RPA3: variants seen among roughly 807,000 people sequenced by gnomAD.
RPA3 encodes replication protein A3, also known as replication protein A 14 kDa subunit.
RPA3 carries 24 observed loss-of-function variants against 13.7 expected under a neutral mutation model. The ratio of observed to expected loss-of-function variants is 1.75; its 90% CI spans 1.27 to 2.46. The LOEUF is 2.46. RPA3 is among the 30% of genes most tolerant of loss of function. The probability of loss-of-function intolerance (pLI) is 0.00; values close to 1 mark genes in which losing one functional copy is unlikely to be tolerated. For synonymous variants in RPA3, 59 were observed against 51.2 expected, an observed-to-expected ratio of 1.15 and a Z score of -0.65; for missense variants, 183 against 151.0, an observed-to-expected ratio of 1.21 and a Z score of -1.11.
In RPA3 at chr7:7,636,803, G is replaced by A. The variant is rs774085980; in HGVS notation, c.*197C>T. 3.8e-6 allele frequency: 2 copies of A among 532,404 alleles called. No homozygotes were observed. The highest frequency in any genetic ancestry group is 6.6e-6 in the Non-Finnish European group (2 of 304,268). The allele number at this position is 532,404 out of a possible 1,614,324, so 33.0% of individuals were successfully genotyped here. Reference sequence around the variant, plus strand: ...CTTGCATCTAATCTGACCATATATTGGAGTAGCAATTCTTTATAAAAGGAC... The same window carrying A: ...CTTGCATCTAATCTGACCATATATTAGAGTAGCAATTCTTTATAAAAGGAC... On this transcript the variant is annotated 3_prime_UTR_variant, in exon 8 of 8. Transcript: ENST00000223129.
intron 4 of RPA3, among the ~76,000 whole-genome samples, chr7:7,663,027 T>C (rs1027436021): frequency 2.0e-5 from 3 of 152,084 alleles, no homozygotes; most frequent in Non-Finnish European, 4.4e-5. Flanking sequence ...TTTTTGCCTG[T>C]AGCCCAAACT....
rs554295551 is a variant in RPA3, at chr7:7,690,812, TG to T, written c.-1027-3485del. 9.8e-5 allele frequency among the ~76,000 whole-genome samples: 15 copies of T among 152,328 alleles called. No individual in the cohort carries two copies. In the East Asian group the frequency reaches 2.9e-3, roughly 29 times the overall value. Reference sequence around the variant, plus strand: ...TTCACATATAAATGCTTTTCTAGCCTGTAGGCATCTTTTCATTGCTAAAGTT... The same window carrying T: ...TTCACATATAAATGCTTTTCTAGCCTTAGGCATCTTTTCATTGCTAAAGTT... On this transcript the variant is annotated intron_variant, in intron 2 of 7. Transcript: ENST00000223129.
intron 7 of RPA3, 111 bp downstream of exon 7, chr7:7,637,753 T>C: frequency 3.9e-6 from 2 of 514,804 alleles, no homozygotes; most frequent in Non-Finnish European, 7.0e-6. Context: ...GTATGTTATG[T>C]AATTACATAC....
At chr7:7,661,691 A>C (rs1251890947) in intron 4 of RPA3, among the ~76,000 whole-genome samples, 1 of 152,158 alleles carries the variant, frequency 6.6e-6, no homozygotes, top group African/African-American at 2.4e-5. Flanking sequence ...TTTGTCCCAG[A>C]GGGGCACCCA....
chr7:7,655,402 A>G (rs1188780537), intron 4 of RPA3, among the ~76,000 whole-genome samples: 1 of 152,236 alleles, frequency 6.6e-6, no homozygotes, highest in Non-Finnish European at 1.5e-5. Context: ...ATCAAGAAAA[A>G]ATAAAATAAA....
At chr7:7,701,618 T>C (rs141601621) in intron 2 of RPA3, among the ~76,000 whole-genome samples, 248 of 152,318 alleles carry the variant, frequency 1.6e-3, no homozygotes, top group African/African-American at 5.7e-3. Flanking sequence ...GTTGACCTTA[T>C]GGGTCTTGCT....
rs537904677 is a variant in RPA3, at chr7:7,672,750, CCTTT to C, written c.-758+13076_-758+13079del. Among the ~76,000 whole-genome samples, 12 of 152,242 alleles carry C rather than the reference CCTTT, an allele frequency of 7.9e-5. No individual in the cohort carries two copies. The South Asian group carries it at 2.5e-3, about 32-fold the overall frequency. On this transcript the variant is annotated intron_variant, in intron 4 of 7. Transcript: ENST00000223129. ...GTGAAACTGTGAGTCAATTAAATCT[CCTTT>C]CTTTATAAATCACTCAGTCGAGGAT...
intron 2 of RPA3, among the ~76,000 whole-genome samples, chr7:7,697,325 A>G (rs1780345427): frequency 6.6e-6 from 1 of 152,196 alleles, no homozygotes; most frequent in African/African-American, 2.4e-5. Context: ...TAATATCAGA[A>G]TCCTCTATTC....
intron 4 of RPA3, among the ~76,000 whole-genome samples, chr7:7,663,284 C>CTTTCTGTGTT (rs1785522056): frequency 1.5e-5 from 1 of 66,298 alleles, no homozygotes; most frequent in Admixed American, 1.7e-4. Flanking sequence ...ATAGTTTTTT[C>CTTTCTGTGTT]TTTCTTTGTT....
At chr7:7,701,109 G>T (rs772759750) in intron 2 of RPA3, among the ~76,000 whole-genome samples, 13 of 152,142 alleles carry the variant, frequency 8.5e-5, no homozygotes, top group East Asian at 1.9e-4. Context: ...TCGCCATTTG[G>T]TTAATATTCC....
At chr7:7,708,768 AAC>A (rs565339255) in intron 2 of RPA3, among the ~76,000 whole-genome samples, 1 of 152,320 alleles carries the variant, frequency 6.6e-6, no homozygotes, top group South Asian at 2.1e-4. Flanking sequence ...CCAGCTTTTC[AAC>A]AGATAGAATG....
intron 4 of RPA3, among the ~76,000 whole-genome samples, chr7:7,654,977 A>G (rs1464416270): frequency 6.6e-6 from 1 of 151,780 alleles, no homozygotes; most frequent in Non-Finnish European, 1.5e-5. Flanking sequence ...TTTGCTTCAT[A>G]GTAGGATTGC....
chr7:7,686,672 A>T (rs1474084867), intron 3 of RPA3, among the ~76,000 whole-genome samples: 1 of 152,144 alleles, frequency 6.6e-6, no homozygotes, highest in Non-Finnish European at 1.5e-5. Flanking sequence ...TGATAATTTA[A>T]CCTTTTAAAT....
At chr7:7,710,153 T>C (rs1230258275) in intron 2 of RPA3, among the ~76,000 whole-genome samples, 2 of 152,172 alleles carry the variant, frequency 1.3e-5, no homozygotes, top group South Asian at 2.1e-4. Context: ...TGACATTCCA[T>C]TGATGAATAT....
intron 4 of RPA3, among the ~76,000 whole-genome samples, chr7:7,659,540 T>C (rs1162627213): frequency 6.6e-6 from 1 of 152,200 alleles, no homozygotes; most frequent in Non-Finnish European, 1.5e-5. Flanking sequence ...ACATCTTTAT[T>C]TCTGCCTTAA....
chr7:7,714,072 T>C (rs1278926341), intron 2 of RPA3, among the ~76,000 whole-genome samples: 2 of 152,222 alleles, frequency 1.3e-5, no homozygotes, highest in Non-Finnish European at 2.9e-5. Flanking sequence ...AAAATTGAGT[T>C]TTTTTGTGTG....
intron 4 of RPA3, among the ~76,000 whole-genome samples, chr7:7,647,482 C>T (rs1785122895): frequency 6.6e-6 from 1 of 152,188 alleles, no homozygotes; most frequent in Admixed American, 6.5e-5. Flanking sequence ...GTGTAAATTG[C>T]ACTGTTCACA....
intron 2 of RPA3, among the ~76,000 whole-genome samples, chr7:7,692,080 C>T (rs994538077): frequency 6.6e-6 from 1 of 152,150 alleles, no homozygotes; most frequent in Non-Finnish European, 1.5e-5. Context: ...AGCTATTCCT[C>T]TTTACCCCTG....
At chr7:7,667,765 A>C (rs1190897509) in intron 4 of RPA3, among the ~76,000 whole-genome samples, 2 of 152,244 alleles carry the variant, frequency 1.3e-5, no homozygotes, top group Non-Finnish European at 2.9e-5. Flanking sequence ...TATATTAAAG[A>C]AAGTCCAACA....
Sources: gnomAD v4.1 joint callset for allele counts (sites outside exome capture counted in the v4.1 genomes callset) on GRCh38, gnomAD v4.1.1 for gene constraint, MANE v1.5 for transcripts, NCBI Gene and HGNC (gene_info 2026-07-23, HGNC 2026-07-21) for gene names.